The following PLPPR1 variants were observed in gnomAD, a reference collection of about 807,000 sequenced individuals.
The protein encoded by PLPPR1 is phospholipid phosphatase related 1.
Under a neutral mutation model 33.1 loss-of-function variants are expected in PLPPR1, and 10 were observed. The observed-to-expected ratio is 0.30, with a 90% CI of 0.19 to 0.51. PLPPR1 has a LOEUF of 0.51. Ranked by LOEUF, PLPPR1 falls within the 20% of genes least tolerant of loss-of-function variation. PLPPR1 has a pLI of 0.97. For missense variants in PLPPR1, 304 were observed against 408.1 expected (o/e 0.74, Z 2.20); for synonymous variants, 151 against 151.0 (o/e 1.00, Z 0.00).
At chr9:101,184,773 G>C (rs935762221) in intron 1 of PLPPR1, among the ~76,000 whole-genome samples, 1 of 151,954 alleles carries the variant, frequency 6.6e-6, no homozygotes, top group Non-Finnish European at 1.5e-5. Flanking sequence ...ATCTGCTATT[G>C]CCCAGCTACT....
Position 101,085,531 on chromosome 9 carries a change from A to G in PLPPR1, c.-46+56429A>G, listed in dbSNP as rs78451936. ...TAATCATAATCCTAAACATAGAGGC[A>G]TGAAGTCTTAGAAACAAACATTGGG... On this transcript the variant is annotated intron_variant, in intron 1 of 7. Coordinates refer to ENST00000374874, the MANE Select transcript of PLPPR1 (RefSeq NM_207299.2). Among the ~76,000 whole-genome samples the G allele has an allele frequency of 6.9e-3, 1,044 of 152,306 alleles. 13 individuals are homozygous for G. The highest frequency in any genetic ancestry group is 0.024 in the African/African-American group (1,008 of 41,558).
At chr9:101,185,984 AC>A (rs983134341) in intron 2 of PLPPR1, among the ~76,000 whole-genome samples, 2 of 151,754 alleles carry the variant, frequency 1.3e-5, no homozygotes, top group African/African-American at 4.8e-5. Flanking sequence ...TTGCCTTGGA[AC>A]CCAAATAAAG....
intron 1 of PLPPR1, among the ~76,000 whole-genome samples, chr9:101,144,634 G>A (rs1374705988): frequency 6.6e-6 from 1 of 152,142 alleles, no homozygotes; most frequent in Non-Finnish European, 1.5e-5. Context: ...CTAGAACTAT[G>A]AGAAGATTAA....
chr9:101,124,901 G>A (rs779668148), intron 1 of PLPPR1, among the ~76,000 whole-genome samples: 8 of 152,206 alleles, frequency 5.3e-5, no homozygotes, highest in East Asian at 1.9e-4. Context: ...AGCAAAGACC[G>A]CAGAAACCAA....
At chr9:101,039,605 A>G (rs1830051403) in intron 1 of PLPPR1, among the ~76,000 whole-genome samples, 1 of 152,198 alleles carries the variant, frequency 6.6e-6, no homozygotes, top group Admixed American at 6.5e-5. Context: ...CAATTTACAA[A>G]GGAAAGAGGT....
At chr9:101,174,283 A>G (rs1269255840) in intron 1 of PLPPR1, among the ~76,000 whole-genome samples, 1 of 152,160 alleles carries the variant, frequency 6.6e-6, no homozygotes, top group East Asian at 1.9e-4. Flanking sequence ...TTAGATTTTT[A>G]TTTTAGTGAA....
At chr9:101,150,984 T>G (rs766589376) in intron 1 of PLPPR1, among the ~76,000 whole-genome samples, 3 of 152,272 alleles carry the variant, frequency 2.0e-5, no homozygotes, top group Non-Finnish European at 4.4e-5. Flanking sequence ...TCTGCTGTAG[T>G]TTATACTTGG....
chr9:101,125,512 G>C, intron 1 of PLPPR1: 1 of 351,926 alleles, frequency 2.8e-6, no homozygotes, highest in Non-Finnish European at 5.3e-6. Flanking sequence ...GACAAAACAG[G>C]GACCCTGGAC....
chr9:101,108,836 G>A (rs1831012084), intron 1 of PLPPR1, among the ~76,000 whole-genome samples: 1 of 151,962 alleles, frequency 6.6e-6, no homozygotes, highest in Admixed American at 6.5e-5. Flanking sequence ...ATGTTAATAT[G>A]CAATGGGTTT....
chr9:101,164,427 A>G (rs112136364), intron 1 of PLPPR1, among the ~76,000 whole-genome samples: 4,198 of 150,364 alleles, frequency 0.028, 75 homozygotes, highest in Middle Eastern at 0.049. Context: ...CAGAGGCACG[A>G]TCTTGGCTCA....
At chr9:101,245,022 A>G (rs1827560777) in intron 2 of PLPPR1, among the ~76,000 whole-genome samples, 1 of 152,024 alleles carries the variant, frequency 6.6e-6, no homozygotes, top group South Asian at 2.1e-4. Context: ...GAAAGACTAC[A>G]CCAAGAATGG....
At chr9:101,300,196 C>T (rs945413680) in intron 4 of PLPPR1, among the ~76,000 whole-genome samples, 3 of 151,932 alleles carry the variant, frequency 2.0e-5, no homozygotes, top group African/African-American at 7.3e-5. Flanking sequence ...TTTTCTGAGA[C>T]AGGGTCTTAC....
intron 1 of PLPPR1, among the ~76,000 whole-genome samples, chr9:101,042,333 T>C (rs536360196): frequency 1.3e-5 from 2 of 152,300 alleles, no homozygotes; most frequent in South Asian, 4.1e-4. Flanking sequence ...GAATTCAAGA[T>C]TCTTTGTTGT....
intron 1 of PLPPR1, among the ~76,000 whole-genome samples, chr9:101,142,642 C>T (rs150319251): frequency 2.8e-4 from 42 of 152,286 alleles, no homozygotes; most frequent in African/African-American, 1.0e-3. Context: ...CAGGAATAGT[C>T]CCAGAATCCT....
intron 1 of PLPPR1, among the ~76,000 whole-genome samples, chr9:101,085,935 AG>A (rs1830670314): frequency 6.6e-6 from 1 of 152,080 alleles, no homozygotes; most frequent in South Asian, 2.1e-4. Flanking sequence ...TCCTGATCTT[AG>A]GTTGGAAATT....
intron 2 of PLPPR1, among the ~76,000 whole-genome samples, chr9:101,193,983 T>A (rs1377034340): frequency 6.6e-6 from 1 of 152,176 alleles, no homozygotes; most frequent in Non-Finnish European, 1.5e-5. Context: ...TGTTGAAATA[T>A]GAGACTTCTA....
At chr9:101,155,480 G>A (rs2417242) in intron 1 of PLPPR1, among the ~76,000 whole-genome samples, 4,403 of 152,182 alleles carry the variant, frequency 0.029, 79 homozygotes, top group Middle Eastern at 0.048. Flanking sequence ...CCAGGAACCC[G>A]CACCCGTGAC....
At chr9:101,225,724 C>CG (rs1337203446) in intron 2 of PLPPR1, among the ~76,000 whole-genome samples, 9 of 132,300 alleles carry the variant, frequency 6.8e-5, no homozygotes, top group African/African-American at 2.2e-4. Flanking sequence ...ATTATCCCCC[C>CG]GCCCCCCACC....
At chr9:101,086,738 G>C (rs1292627126) in intron 1 of PLPPR1, among the ~76,000 whole-genome samples, 1 of 152,080 alleles carries the variant, frequency 6.6e-6, no homozygotes, top group African/African-American at 2.4e-5. Context: ...TGTATAGTAG[G>C]CCAATAGCCA....
Sources: allele counts gnomAD v4.1 joint callset (sites outside exome capture counted in the v4.1 genomes callset), GRCh38; gene constraint gnomAD v4.1.1; transcripts MANE v1.5; gene names NCBI Gene and HGNC (gene_info 2026-07-23, HGNC 2026-07-21).